The following DENND11 variants were observed in gnomAD, a reference collection of about 807,000 sequenced individuals.
DENND11 encodes DENN domain containing 11, also known as DENN domain-containing protein 11.
A neutral mutation model predicts 49.2 loss-of-function variants in DENND11; 34 were observed. The ratio of observed to expected loss-of-function variants is 0.69; its 90% confidence interval spans 0.53 to 0.92. The LOEUF (loss-of-function observed/expected upper bound fraction) is 0.92. DENND11 is among the 40% of genes least tolerant of loss of function. The probability of loss-of-function intolerance (pLI) is 0.00; values close to 1 mark genes in which losing one functional copy is unlikely to be tolerated. For synonymous variants in DENND11, 238 were observed against 230.3 expected (o/e 1.03, Z -0.30); for missense variants, 475 against 581.6 (o/e 0.82, Z 1.88).
intron 4 of DENND11, among the ~76,000 whole-genome samples, chr7:141,669,800 A>T (rs887126949): frequency 2.0e-4 from 30 of 148,606 alleles, no homozygotes; most frequent in African/African-American, 6.8e-4. Context: ...TTATTATATC[A>T]TACATGCTAT....
intron 8 of DENND11, chr7:141,663,161 A>T: frequency 3.7e-6 from 1 of 269,916 alleles, no homozygotes; most frequent in Non-Finnish European, 6.9e-6. Flanking sequence ...AGAGGCCCCC[A>T]AACACTGCTT....
chr7:141,664,880 G>C lies in DENND11; in HGVS notation c.1103+24C>G, dbSNP rs372547456. ...CTGCCCTGAGGAGGGTGGAGCCCCT[G>C]GTTCTCCCCTTAGCTGCCACTACCT... On this transcript the variant is annotated intron_variant, in intron 7 of 8. Coordinates refer to ENST00000536163, the MANE Select transcript of DENND11 (RefSeq NM_001080392.2). 3.9e-4 allele frequency: 631 copies of C among 1,600,200 alleles called. 2 individuals are homozygous for C. Among genetic ancestry groups the C allele is most frequent in the Admixed American group, 5.6e-4 (33 of 58,644 alleles).
intron 8 of DENND11, 87 bp downstream of exon 8, chr7:141,664,085 C>T (rs1010856669): frequency 6.9e-5 from 78 of 1,129,692 alleles, no homozygotes; most frequent in Middle Eastern, 2.0e-4. Flanking sequence ...ATCCCTGGCC[C>T]GCAGTGAATG....
At position 141,700,494 on chromosome 7, in the gene DENND11, G is replaced by A. The variant is rs79799652; in HGVS notation, c.268+1392C>T. Among the ~76,000 whole-genome samples, 20 of 150,358 alleles carry A rather than the reference G, an allele frequency of 1.3e-4. 1 individual carries two copies. The East Asian group carries it at 3.7e-3, about 28-fold the overall frequency. ...CACTGTCTGAAAAAAAAAAAAAAGAGAGAGAAAAAAGAATGCATTACATGT... is the reference window on the plus strand; with the variant it reads ...CACTGTCTGAAAAAAAAAAAAAAGAAAGAGAAAAAAGAATGCATTACATGT... On this transcript the variant is annotated intron_variant, in intron 1 of 8. Coordinates refer to ENST00000536163, the MANE Select transcript of DENND11 (RefSeq NM_001080392.2).
chr7:141,685,989 T>A (rs988423014), intron 2 of DENND11, among the ~76,000 whole-genome samples: 1 of 152,244 alleles, frequency 6.6e-6, no homozygotes, highest in Non-Finnish European at 1.5e-5. Flanking sequence ...TTTCGTAGCA[T>A]AAACCACAGT....
In DENND11 at chr7:141,662,867, A is replaced by G. The variant is rs371768452; in HGVS notation, c.1173-16T>C. ...TAGGAAAAACCTGCATTTGGAAGAC[A>G]AGACACAGGAAAGGAAGCGGGGGGG... On this transcript the variant is annotated splice_polypyrimidine_tract_variant and intron_variant, in intron 8 of 8. Coordinates refer to ENST00000536163, the MANE Select transcript of DENND11 (RefSeq NM_001080392.2). The G allele has an allele frequency of 5.4e-4, 818 of 1,516,664 alleles. 1 individual carries two copies. Among genetic ancestry groups the G allele is most frequent in the Non-Finnish European group, 6.2e-4 (697 of 1,129,944 alleles). 94.0% of individuals were successfully genotyped at this position (1,516,664 alleles called of 1,614,324 possible).
intron 5 of DENND11, among the ~76,000 whole-genome samples, chr7:141,665,808 C>CCCGA (rs1411534619): frequency 6.6e-6 from 1 of 151,644 alleles, no homozygotes; most frequent in African/African-American, 2.4e-5. Flanking sequence ...GCCCACAGGT[C>CCCGA]CCGACCCAGC....
At chr7:141,690,856 T>C (rs1044360017) in intron 1 of DENND11, among the ~76,000 whole-genome samples, 45 of 152,238 alleles carry the variant, frequency 3.0e-4, no homozygotes, top group African/African-American at 1.1e-3. Context: ...CCACTCTGCA[T>C]CGTGAATCTC....
At chr7:141,690,556 T>C (rs1347615053) in intron 1 of DENND11, among the ~76,000 whole-genome samples, 1 of 152,216 alleles carries the variant, frequency 6.6e-6, no homozygotes, top group Non-Finnish European at 1.5e-5. Flanking sequence ...TTCCTTTATG[T>C]ATCTCCTAGT....
Position 141,662,005 on chromosome 7 carries a change from A to C in DENND11, c.*651T>G, listed in dbSNP as rs1797803439. 1 of 152,376 alleles carries C rather than the reference A, an allele frequency of 6.6e-6. No homozygotes were observed. Among genetic ancestry groups the C allele is most frequent in the African/African-American group, 2.4e-5 (1 of 41,600 alleles). 9.4% of individuals were successfully genotyped at this position (152,376 alleles called of 1,614,324 possible). The stretch of plus-strand genomic sequence containing the variant: ...TCAAGTTACTTTGAGGAAGGTTTCC[A>C]GGCTTCATTCTATAATTTTAGTTTT... On this transcript the variant is annotated 3_prime_UTR_variant, in exon 9 of 9. Coordinates refer to ENST00000536163, the MANE Select transcript of DENND11 (RefSeq NM_001080392.2).
rs368902392 is a variant in DENND11 at position 141,700,389 on chromosome 7, G to T, written c.268+1497C>A. 1.3e-4 allele frequency among the ~76,000 whole-genome samples: 20 copies of T among 150,440 alleles called. No homozygotes were observed. The East Asian group carries it at 3.9e-3, about 30-fold the overall frequency. The stretch of plus-strand genomic sequence containing the variant: ...ACTGGTATCTAGGAATCTCAAATGC[G>T]AGTCAACCAGCATGTGTGATGAACA... On this transcript the variant is annotated intron_variant, in intron 1 of 8. Coordinates refer to ENST00000536163, the MANE Select transcript of DENND11 (RefSeq NM_001080392.2).
At chr7:141,685,689 A>C in intron 2 of DENND11, 53 bp from the exon 3 acceptor site, 1 of 1,580,632 alleles carries the variant, frequency 6.3e-7, no homozygotes. Flanking sequence ...GAATTTTGAG[A>C]TGCAATCCTA....
At chr7:141,700,038 A>G (rs898564058) in intron 1 of DENND11, among the ~76,000 whole-genome samples, 35 of 152,360 alleles carry the variant, frequency 2.3e-4, no homozygotes, top group African/African-American at 8.4e-4. Context: ...ATCAATTGAT[A>G]GATATCAATT....
intron 4 of DENND11, among the ~76,000 whole-genome samples, chr7:141,668,738 C>G (rs1391302194): frequency 6.6e-6 from 1 of 152,236 alleles, no homozygotes; most frequent in Non-Finnish European, 1.5e-5. Flanking sequence ...GCACTGCCCA[C>G]AGGGCCACCT....
intron 4 of DENND11, among the ~76,000 whole-genome samples, chr7:141,669,809 ATTTTTTT>A (rs72053527): frequency 8.6e-6 from 1 of 116,272 alleles, no homozygotes; most frequent in Non-Finnish European, 1.7e-5. Flanking sequence ...CATACATGCT[ATTTTTTT>A]TTTTTTTTTT....
rs563856166 is a variant in DENND11 at position 141,657,967 on chromosome 7, T to C, written c.*4689A>G. 2.6e-5 allele frequency: 4 copies of C among 152,674 alleles called. No homozygotes were observed. The highest frequency in any genetic ancestry group is 9.6e-5 in the African/African-American group (4 of 41,556). The allele number at this position is 152,674 out of a possible 1,614,324, so 9.5% of individuals were successfully genotyped here. ...TTTTGTACTAGAGCTTTACTGAAGG[T>C]TGGTATTTTTATGTCAACCTTCCTA... On this transcript the variant is annotated 3_prime_UTR_variant, in exon 9 of 9. Coordinates refer to ENST00000536163, the MANE Select transcript of DENND11 (RefSeq NM_001080392.2).
chr7:141,678,329 G>A (rs905025623), intron 3 of DENND11, among the ~76,000 whole-genome samples: 1 of 152,166 alleles, frequency 6.6e-6, no homozygotes, highest in Non-Finnish European at 1.5e-5. Flanking sequence ...TTGCACATGG[G>A]AAAAGACTAG....
intron 1 of DENND11, 48 bp downstream of exon 1, chr7:141,701,838 G>T (rs2117089236): frequency 8.6e-7 from 1 of 1,157,318 alleles, no homozygotes; most frequent in Non-Finnish European, 1.1e-6. Flanking sequence ...CCAAAGCTCG[G>T]GGGCACCCCG....
At chr7:141,681,817 A>T (rs1448292933) in intron 3 of DENND11, among the ~76,000 whole-genome samples, 1 of 152,196 alleles carries the variant, frequency 6.6e-6, no homozygotes, top group Non-Finnish European at 1.5e-5. Context: ...CAAGAAAGGC[A>T]TGTTCTCCAA....
Sources: allele counts gnomAD v4.1 joint callset (sites outside exome capture counted in the v4.1 genomes callset), GRCh38; gene constraint gnomAD v4.1.1; transcripts MANE v1.5; gene names NCBI Gene and HGNC (gene_info 2026-07-23, HGNC 2026-07-21).